Variants in CELA3A observed in about 807,000 individuals in gnomAD.
The protein encoded by CELA3A is chymotrypsin like elastase 3A, also known as chymotrypsin-like elastase family member 3A.
In CELA3A, 35 loss-of-function variants were observed where a neutral mutation model predicts 38.6. The ratio of observed to expected loss-of-function variants is 0.91; its 90% CI spans 0.69 to 1.20. The LOEUF (loss-of-function observed/expected upper bound fraction) is 1.20. Ranked by LOEUF, CELA3A falls within the 50% of genes most tolerant of loss-of-function variation. CELA3A has a pLI of 0.00. For missense variants in CELA3A, 343 were observed against 354.2 expected (o/e 0.97, Z 0.25); for synonymous variants, 143 against 136.7 (o/e 1.05, Z -0.32).
In CELA3A at chr1:22,002,585, C is replaced by A. The variant is rs534357293; in HGVS notation, c.44-418C>A. The A allele has an allele frequency of 3.0e-4, 138 of 456,200 alleles. 1 individual carries two copies. Among genetic ancestry groups the A allele is most frequent in the Non-Finnish European group, 4.6e-4 (105 of 227,124 alleles). 28.3% of individuals were successfully genotyped at this position (456,200 alleles called of 1,614,324 possible). ...CTCAAACTCCCGGGCTCAAGCGATC[C>A]TCCCGCCTCGGCCTCTCAGAGCACT... is the stretch of plus-strand genomic sequence containing the variant. On this transcript the variant is annotated intron_variant, in intron 1 of 7. Transcript: ENST00000290122.
At chr1:22,004,759 G>A (rs1291187720) in intron 2 of CELA3A, among the ~76,000 whole-genome samples, 2 of 150,968 alleles carry the variant, frequency 1.3e-5, no homozygotes, top group Non-Finnish European at 2.9e-5. Context: ...ATCAGGGTGA[G>A]CTGTGCTTCA....
chr1:22,007,480 G>A lies in CELA3A; in HGVS notation c.607G>A (p.Val203Met). 1 of 1,612,442 alleles carries A rather than the reference G, an allele frequency of 6.2e-7. No homozygotes were observed. The highest frequency in any genetic ancestry group is 8.5e-7 in the Non-Finnish European group (1 of 1,179,364). The change falls in exon 6 of 8, where the codon GTG becomes ATG. Residue 203 changes from valine to methionine, a missense_variant. Physicochemically the swap from Val to Met is conservative, Grantham distance 21. Coordinates refer to ENST00000290122, the MANE Select transcript of CELA3A (RefSeq NM_005747.5). ...GGGTTCCACCGTGAAGAAAACCATG[G>A]TGTGTGCTGGAGGGTACATCCGCTC... Reference protein sequence around the residue: ...WWGSTVKKTMVCAGGYIRSGC... With the variant: ...WWGSTVKKTMMCAGGYIRSGC...
At chr1:22,010,245 C>T (rs1265784773) in intron 7 of CELA3A, 1 of 376,988 alleles carries the variant, frequency 2.7e-6, no homozygotes, top group African/African-American at 2.2e-5. Context: ...GAGTCCAGGC[C>T]CCAGACTTCA....
Position 22,007,409 on chromosome 1 carries a change from G to C in CELA3A, c.536G>C (p.Arg179Pro), listed in dbSNP as rs374193746. 5.6e-6 allele frequency: 9 copies of C among 1,612,194 alleles called. No homozygotes were observed. The highest frequency in any genetic ancestry group is 1.3e-5 in the African/African-American group (1 of 74,254). Residue 179 changes from arginine (R) to proline (P), a missense_variant, in exon 6 of 8, where the codon CGG becomes CCG. Arg to Pro is a moderately radical substitution (Grantham distance 103). Transcript: ENST00000290122. ...CTCCCAGACAAGCTGCAGCAGGCCC[G>C]GCTGCCCGTGGTGGACTATAAGCAC... ...GPLPDKLQQA[R>P]LPVVDYKHCS...
rs545839620 is a variant in CELA3A, at chr1:22,006,831, T to G, written c.363-47T>G. On this transcript the variant is annotated intron_variant, in intron 4 of 7. Coordinates refer to ENST00000290122, the MANE Select transcript of CELA3A (RefSeq NM_005747.5). The stretch of plus-strand genomic sequence containing the variant: ...GGAGCAACGGCTAGAAGGTAGGACT[T>G]GGGCCGGCTGGAGGACCAGGCCCCG... 65 of 1,601,294 alleles carry G rather than the reference T, an allele frequency of 4.1e-5. 5 individuals are homozygous for G. In the East Asian group the frequency reaches 1.3e-3, roughly 31 times the overall value.
chr1:22,009,030 AG>A (rs2152819786), intron 6 of CELA3A, among the ~76,000 whole-genome samples: 1 of 151,808 alleles, frequency 6.6e-6, no homozygotes, highest in Non-Finnish European at 1.5e-5. Context: ...ACCTGAGGTC[AG>A]GACTTTGAGA....
Position 22,006,990 on chromosome 1 carries a change from A to G in CELA3A, c.475A>G (p.Ile159Val). The stretch of plus-strand genomic sequence containing the variant: ...CCTTCCCAACAAGACACCCTGCTAC[A>G]TCACCGGCTGGGGCCGTCTCTATAG... ...DILPNKTPCY[I>V]TGWGRLYTNG... Residue 159 changes from isoleucine (I) to valine (V), a missense_variant, in exon 5 of 8, where the codon ATC (isoleucine) becomes GTC (valine). Transcript: ENST00000290122. 2 of 1,612,394 alleles carry G rather than the reference A, an allele frequency of 1.2e-6. No individual in the cohort carries two copies. Among genetic ancestry groups the G allele is most frequent in the Non-Finnish European group, 1.7e-6 (2 of 1,179,450 alleles).
chr1:22,001,663 A>T lies in CELA3A; in HGVS notation c.-12A>T, dbSNP rs1345579102. ...CCAGGCTCTGTGCCCTTTTCCTATC[A>T]TCACAAAACTCATGATGCTCCGGCT... On this transcript the variant is annotated 5_prime_UTR_variant, in exon 1 of 8. Coordinates refer to ENST00000290122, the MANE Select transcript of CELA3A (RefSeq NM_005747.5). 4 of 1,611,476 alleles carry T rather than the reference A, an allele frequency of 2.5e-6. No individual in the cohort carries two copies. Among genetic ancestry groups the T allele is most frequent in the Non-Finnish European group, 3.4e-6 (4 of 1,179,238 alleles).
chr1:22,003,332 G>A (rs551108357), intron 2 of CELA3A, among the ~76,000 whole-genome samples: 60 of 151,092 alleles, frequency 4.0e-4, no homozygotes, highest in Non-Finnish European at 8.2e-4. Context: ...AACTCAAGGA[G>A]TTGGCACACT....
At position 22,007,605 on chromosome 1, in the gene CELA3A, G is replaced by T. The variant is rs1310902124; in HGVS notation, c.642+90G>T. 18 of 1,519,080 alleles carry T rather than the reference G, an allele frequency of 1.2e-5. 1 individual carries two copies. Among genetic ancestry groups the T allele is most frequent in the Admixed American group, 1.2e-4 (6 of 51,456 alleles). The allele number at this position is 1,519,080 out of a possible 1,614,324, so 94.1% of individuals were successfully genotyped here. A position where few individuals can be genotyped will look rare whatever the true frequency, so the allele number is the denominator to read the frequency against. ...GCCTGGAAGGTGGAGGAAGGATCTT[G>T]CCTGCTTGCCCCATTCAGCCTCCAG... On this transcript the variant is annotated intron_variant, in intron 6 of 7. Coordinates refer to ENST00000290122, the MANE Select transcript of CELA3A (RefSeq NM_005747.5).
Position 22,007,500 on chromosome 1 carries a change from C to T in CELA3A, c.627C>T (p.Ile209=). 1 of 1,610,508 alleles carries T rather than the reference C, an allele frequency of 6.2e-7. No homozygotes were observed. The highest frequency in any genetic ancestry group is 8.5e-7 in the Non-Finnish European group (1 of 1,178,382). ...KKTMVCAGGY[I]RSGCNGDSGG... ...CCATGGTGTGTGCTGGAGGGTACATCCGCTCCGGCTGCAACGTGAGTCAGC... is the reference window on the plus strand; with the variant it reads ...CCATGGTGTGTGCTGGAGGGTACATTCGCTCCGGCTGCAACGTGAGTCAGC... Residue 209 remains isoleucine, a synonymous_variant, in exon 6 of 8, where the codon ATC becomes ATT. Coordinates refer to ENST00000290122, the MANE Select transcript of CELA3A (RefSeq NM_005747.5).
chr1:22,002,969 T>C lies in CELA3A; in HGVS notation c.44-34T>C, dbSNP rs774808751. The C allele has an allele frequency of 1.9e-6, 3 of 1,566,752 alleles. No individual in the cohort carries two copies. In the South Asian group the frequency reaches 3.4e-5, roughly 18 times the overall value. ...GCCTCCTCTTTGCTTTTGGGGACCC[T>C]CCAGCTGATTGACAGCTCTCCTCTC... On this transcript the variant is annotated intron_variant, in intron 1 of 7. Transcript: ENST00000290122.
chr1:22,010,288 C>T (rs910969573), intron 7 of CELA3A: 6 of 386,062 alleles, frequency 1.6e-5, no homozygotes, highest in Admixed American at 1.1e-4. Flanking sequence ...GGACTAATAA[C>T]GCTCATGGTA....
chr1:22,009,668 C>T (rs1235081291), intron 6 of CELA3A, 37 bp from the exon 7 acceptor site: 1 of 1,600,798 alleles, frequency 6.2e-7, no homozygotes, highest in South Asian at 1.1e-5. Context: ...AAACCTCAGA[C>T]ATGGCTCAGC....
Position 22,002,993 on chromosome 1 carries a change from T to G in CELA3A, c.44-10T>G. On this transcript the variant is annotated splice_polypyrimidine_tract_variant and intron_variant, in intron 1 of 7. Coordinates refer to ENST00000290122, the MANE Select transcript of CELA3A (RefSeq NM_005747.5). ...CTCCAGCTGATTGACAGCTCTCCTC[T>G]CCCCTCTAGCCTCAGGCTATGGCCC... 1 of 1,578,960 alleles carries G rather than the reference T, an allele frequency of 6.3e-7. No homozygotes were observed. Among genetic ancestry groups the G allele is most frequent in the South Asian group, 1.1e-5 (1 of 89,358 alleles).
intron 6 of CELA3A, among the ~76,000 whole-genome samples, chr1:22,009,124 G>C (rs369546958): frequency 5.9e-5 from 9 of 151,384 alleles, no homozygotes; most frequent in East Asian, 3.9e-4. Context: ...CCAGCACTTC[G>C]GGAGGCTGAG....
In CELA3A at chr1:22,009,787, T is replaced by G. The variant is rs747126547; in HGVS notation, c.725T>G (p.Phe242Cys). ...VHGVTSFVSA[F>C]GCNFIWKPTV... is the part of the protein sequence containing the mutation. Reference sequence around the variant, plus strand: ...GGTGTGACCAGCTTTGTTTCTGCCTTTGGCTGCAACTTCATCTGGAAGCCC... The same window carrying G: ...GGTGTGACCAGCTTTGTTTCTGCCTGTGGCTGCAACTTCATCTGGAAGCCC... The change falls in exon 7 of 8, where the codon TTT becomes TGT. Residue 242 changes from phenylalanine to cysteine, a missense_variant. Phe to Cys is a radical substitution (Grantham distance 205). Coordinates refer to ENST00000290122, the MANE Select transcript of CELA3A (RefSeq NM_005747.5). 1 of 1,612,090 alleles carries G rather than the reference T, an allele frequency of 6.2e-7. No individual in the cohort carries two copies. The highest frequency in any genetic ancestry group is 8.5e-7 in the Non-Finnish European group (1 of 1,179,320).
At chr1:22,009,929 C>G (rs1340610783) in intron 7 of CELA3A, 72 bp downstream of exon 7, 2 of 1,544,840 alleles carry the variant, frequency 1.3e-6, no homozygotes, top group Non-Finnish European at 8.7e-7. Context: ...TGAGAAACAT[C>G]GGATCCTGGG....
chr1:22,007,125 T>C (rs1189797342), intron 5 of CELA3A, 111 bp downstream of exon 5: 3 of 1,484,782 alleles, frequency 2.0e-6, no homozygotes, highest in Non-Finnish European at 2.7e-6. Context: ...TTCTCCCATT[T>C]CTCTCCAGCT....
Sources: allele counts gnomAD v4.1 joint callset (sites outside exome capture counted in the v4.1 genomes callset), GRCh38; gene constraint gnomAD v4.1.1; transcripts MANE v1.5; gene names NCBI Gene and HGNC (gene_info 2026-07-23, HGNC 2026-07-21).